Variants in PDLIM7 observed in about 807,000 individuals in gnomAD.
PDLIM7 encodes the protein PDZ and LIM domain 7, also known as PDZ and LIM domain protein 7.
In PDLIM7, 37 loss-of-function variants were observed where a neutral mutation model predicts 53.9. That is an observed-to-expected ratio of 0.69 (90% CI 0.53 to 0.90). PDLIM7 has a LOEUF of 0.90. Among genes scored for constraint, PDLIM7 ranks in the 40% least tolerant of loss-of-function variants. PDLIM7 has a pLI of 0.00. For synonymous variants in PDLIM7, 300 were observed against 261.3 expected (o/e 1.15, Z -1.43); for missense variants, 617 against 638.5 (o/e 0.97, Z 0.36).
At chr5:177,491,322 A>C in intron 5 of PDLIM7, 176 bp from the exon 6 acceptor site, 1 of 1,500,626 alleles carries the variant, frequency 6.7e-7, no homozygotes, top group South Asian at 1.2e-5. Context: ...AGTGGAGAGG[A>C]GGGCAGCCAG....
chr5:177,485,014 T>C, intron 10 of PDLIM7: 1 of 152,950 alleles, frequency 6.5e-6, no homozygotes. Context: ...GAGGGCCCAC[T>C]CTGACCACAC....
At chr5:177,490,312 C>T in intron 7 of PDLIM7, 10 of 1,445,550 alleles carry the variant, frequency 6.9e-6, no homozygotes, top group Non-Finnish European at 9.0e-6. Context: ...TACCACAGGG[C>T]AAAGAGGGAA....
At chr5:177,497,375 G>A (rs1356184730) in intron 1 of PDLIM7, among the ~76,000 whole-genome samples, 153 bp downstream of exon 1, 3 of 152,070 alleles carry the variant, frequency 2.0e-5, no homozygotes, top group Admixed American at 6.5e-5. Flanking sequence ...CCGGCTTAGC[G>A]GCAGGAAGGC....
intron 4 of PDLIM7, chr5:177,492,167 C>CGGCGGCG (rs2127413930): frequency 1.6e-6 from 1 of 621,226 alleles, no homozygotes. Context: ...CACGCAGCGC[C>CGGCGGCG]GGCGGCGGGA....
intron 9 of PDLIM7, among the ~76,000 whole-genome samples, chr5:177,488,788 G>T (rs1388880662): frequency 1.3e-5 from 2 of 152,276 alleles, no homozygotes; most frequent in Admixed American, 1.3e-4. Context: ...TACTCAGGAG[G>T]CTGAGGCAGG....
Position 177,483,562 on chromosome 5 carries a change from C to T in PDLIM7, c.*82G>A. 1.9e-6 allele frequency: 2 copies of T among 1,073,732 alleles called. No homozygotes were observed. The highest frequency in any genetic ancestry group is 1.5e-5 in the South Asian group (1 of 68,734). 66.5% of individuals were successfully genotyped at this position (1,073,732 alleles called of 1,614,324 possible). A position where few individuals can be genotyped will look rare whatever the true frequency, so the allele number is the denominator to read the frequency against. ...GGAGCCAGGGTTAAGGCAACCATTGCCAGCCCTACCCAGAAATGCAGGGCC... is the reference window on the plus strand; with the variant it reads ...GGAGCCAGGGTTAAGGCAACCATTGTCAGCCCTACCCAGAAATGCAGGGCC... On this transcript the variant is annotated 3_prime_UTR_variant, in exon 13 of 13. Transcript: ENST00000355841.
intron 10 of PDLIM7, chr5:177,484,435 A>G: frequency 2.0e-6 from 1 of 490,432 alleles, no homozygotes; most frequent in South Asian, 2.3e-5. Context: ...CTCTCCTCCC[A>G]CAGCCATCCC....
At chr5:177,489,372 G>C in intron 9 of PDLIM7, 21 bp downstream of exon 9, 1 of 1,514,794 alleles carries the variant, frequency 6.6e-7, no homozygotes, top group Non-Finnish European at 8.9e-7. Context: ...AGCCAGGGTC[G>C]GACAGGAACA....
intron 5 of PDLIM7, 49 bp downstream of exon 5, chr5:177,491,757 GC>G: frequency 1.1e-6 from 1 of 901,580 alleles, no homozygotes. Flanking sequence ...CGGGCGTGGG[GC>G]CACAGTGGGC....
At chr5:177,490,649 G>T in intron 7 of PDLIM7, 1 of 1,242,300 alleles carries the variant, frequency 8.0e-7, no homozygotes, top group Non-Finnish European at 1.1e-6. Context: ...ATGGAAGGGA[G>T]GCAGGGAGGG....
Position 177,491,860 on chromosome 5 carries a change from C to A in PDLIM7, c.345G>T (p.Thr115=). 7.9e-7 allele frequency: 1 copy of A among 1,272,826 alleles called. No homozygotes were observed. Among genetic ancestry groups the A allele is most frequent in the Non-Finnish European group, 9.9e-7 (1 of 1,005,394 alleles). The allele number at this position is 1,272,826 out of a possible 1,614,324, so 78.8% of individuals were successfully genotyped here. ...GCGGGGGCGCCCCAAAGGGCCGGGC[C>A]GTCTTGTTGAGGGAGACGCTGGGTG... ...TFAPSVSLNK[T]ARPFGAPPPA... is the part of the protein sequence containing the mutation. Residue 115 remains threonine (T), a synonymous_variant, in exon 5 of 13, where the codon ACG becomes ACT. Coordinates refer to ENST00000355841, the MANE Select transcript of PDLIM7 (RefSeq NM_005451.5).
At chr5:177,488,844 C>T (rs1264846000) in intron 9 of PDLIM7, among the ~76,000 whole-genome samples, 3 of 151,542 alleles carry the variant, frequency 2.0e-5, no homozygotes, top group South Asian at 2.1e-4. Context: ...GAGCCGAGAT[C>T]GCGCCACTGC....
Position 177,488,122 on chromosome 5 carries a change from G to A in PDLIM7, c.996C>T (p.Cys332=). ...AGCTGGGTGCATAGCGCACGTCATAGCATGGTGGGCAGAAGATGGCGCCCT... is the reference window on the plus strand; with the variant it reads ...AGCTGGGTGCATAGCGCACGTCATAACATGGTGGGCAGAAGATGGCGCCCT... ...EEKGAIFCPP[C]YDVRYAPSCA... is the part of the protein sequence containing the mutation. Residue 332 remains cysteine (C), a synonymous_variant, in exon 10 of 13, where the codon TGC becomes TGT. Coordinates refer to ENST00000355841, the MANE Select transcript of PDLIM7 (RefSeq NM_005451.5). The A allele has an allele frequency of 1.9e-6, 3 of 1,613,112 alleles. No individual in the cohort carries two copies. The highest frequency in any genetic ancestry group is 2.5e-6 in the Non-Finnish European group (3 of 1,179,872).
Position 177,497,602 on chromosome 5 carries a change from G to C in PDLIM7, c.-86C>G, listed in dbSNP as rs930011650. ...CGTTGGGATCGGCCGCCAGTGTTCT[G>C]ACCCCGCCCCCACAGCCACCCTCCA... On this transcript the variant is annotated 5_prime_UTR_variant, in exon 1 of 13. Transcript: ENST00000355841. 2 of 152,242 alleles carry C rather than the reference G, an allele frequency of 1.3e-5. No individual in the cohort carries two copies. The highest frequency in any genetic ancestry group is 1.3e-4 in the Admixed American group (2 of 15,286). 9.4% of individuals were successfully genotyped at this position (152,242 alleles called of 1,614,324 possible). A position where few individuals can be genotyped will look rare whatever the true frequency, so the allele number is the denominator to read the frequency against.
rs1222248055 is a variant in PDLIM7 at position 177,492,645 on chromosome 5, T to C, written c.129A>G (p.Gly43=). Residue 43 remains glycine (G), a synonymous_variant, in exon 3 of 13, where the codon GGA becomes GGG. Transcript: ENST00000355841. ...TCAGCACCCAGTCACCCACGGCCAC[T>C]CCGGCCTGCGCCGCTTTGCCCCCAG... ...LTPGGKAAQA[G]VAVGDWVLSI... 3 of 1,608,132 alleles carry C rather than the reference T, an allele frequency of 1.9e-6. No individual in the cohort carries two copies. The South Asian group carries it at 3.3e-5, about 18-fold the overall frequency.
In PDLIM7 at chr5:177,491,252, G is replaced by A. The variant is rs577488643; in HGVS notation, c.399-106C>T. ...GTTTGGGTTACAGTGATGGGAGGGAGTGGGTAAGGGTGAGGCCAGGAGCCC... is the reference window on the plus strand; with the variant it reads ...GTTTGGGTTACAGTGATGGGAGGGAATGGGTAAGGGTGAGGCCAGGAGCCC... On this transcript the variant is annotated intron_variant, in intron 5 of 12. Coordinates refer to ENST00000355841, the MANE Select transcript of PDLIM7 (RefSeq NM_005451.5). 4.7e-5 allele frequency: 68 copies of A among 1,438,224 alleles called. No homozygotes were observed. In the East Asian group the frequency reaches 1.5e-3, roughly 31 times the overall value. 89.1% of individuals were successfully genotyped at this position (1,438,224 alleles called of 1,614,324 possible).
At chr5:177,486,606 G>A (rs540429518) in intron 10 of PDLIM7, among the ~76,000 whole-genome samples, 2 of 152,204 alleles carry the variant, frequency 1.3e-5, no homozygotes, top group African/African-American at 2.4e-5. Flanking sequence ...GGGCTGGTAG[G>A]GCAGGAGCCC....
chr5:177,492,426 C>G lies in PDLIM7; in HGVS notation c.258G>C (p.Pro86=). Residue 86 remains proline (P), a synonymous_variant, in exon 4 of 13, where the codon CCG becomes CCC. Coordinates refer to ENST00000355841, the MANE Select transcript of PDLIM7 (RefSeq NM_005451.5). The part of the protein sequence containing the change: ...RLSLGLSRAQ[P]VQSKPQKASA... The stretch of plus-strand genomic sequence containing the variant: ...GTACCTTCTGCGGTTTGCTCTGAAC[C>G]GGCTGGGCCCTGGAGGAGAAGGAAA... 1 of 1,613,608 alleles carries G rather than the reference C, an allele frequency of 6.2e-7. No homozygotes were observed. Among genetic ancestry groups the G allele is most frequent in the Admixed American group, 1.7e-5 (1 of 59,986 alleles).
intron 10 of PDLIM7, among the ~76,000 whole-genome samples, chr5:177,486,199 A>G (rs985700955): frequency 6.6e-6 from 1 of 151,824 alleles, no homozygotes; most frequent in Admixed American, 6.6e-5. Context: ...GATTACAGGC[A>G]TGAGCCACTG....
Sources: allele counts gnomAD v4.1 joint callset (sites outside exome capture counted in the v4.1 genomes callset), GRCh38; gene constraint gnomAD v4.1.1; transcripts MANE v1.5; gene names NCBI Gene and HGNC (gene_info 2026-07-23, HGNC 2026-07-21).